KDM6A: variants seen among roughly 807,000 people sequenced by gnomAD.
KDM6A encodes lysine-specific demethylase 6A.
KDM6A carries 11 observed loss-of-function variants against 117.6 expected under a neutral mutation model. The ratio of observed to expected loss-of-function variants is 0.09; its 90% CI spans 0.06 to 0.15. KDM6A has a LOEUF of 0.15. Among genes scored for constraint, KDM6A ranks in the 10% least tolerant of loss-of-function variants. KDM6A has a pLI of 1.00. For synonymous variants in KDM6A, 384 were observed against 396.1 expected (o/e 0.97, Z 0.36); for missense variants, 799 against 1,077.3 (o/e 0.74, Z 3.62).
At chrX:45,107,645 T>A in intron 28 of KDM6A, 109 bp downstream of exon 28, 1 of 745,045 alleles carries the variant, frequency 1.3e-6, no homozygotes, top group African/African-American at 2.2e-5. Context: ...TAATCCAGTT[T>A]ATAGTAATTA....
chrX:45,072,644 TTCTC>T (rs1406710129), intron 18 of KDM6A, among the ~76,000 whole-genome samples: 1 of 108,908 alleles, frequency 9.2e-6, no homozygotes, highest in Non-Finnish European at 1.9e-5. Flanking sequence ...AGCAGGGGCT[TTCTC>T]TCTCATCCAC....
chrX:44,968,209 A>AT (rs1452224766), intron 3 of KDM6A, among the ~76,000 whole-genome samples: 1 of 112,554 alleles, frequency 8.9e-6, no homozygotes, highest in Non-Finnish European at 1.9e-5. Context: ...CAATTATTCC[A>AT]TATTGAACAT....
chrX:44,932,117 T>C (rs994492442), intron 2 of KDM6A, among the ~76,000 whole-genome samples: 2 of 72,558 alleles, frequency 2.8e-5, no homozygotes, highest in African/African-American at 6.1e-5. Flanking sequence ...TTTTTTAAGA[T>C]GGAGTCTCGC....
chrX:44,935,067 A>G (rs1233719347), intron 2 of KDM6A, among the ~76,000 whole-genome samples: 2 of 111,159 alleles, frequency 1.8e-5, no homozygotes, highest in African/African-American at 6.6e-5. Flanking sequence ...ATTAGGATAC[A>G]TGCAGTACTT....
intron 2 of KDM6A, among the ~76,000 whole-genome samples, chrX:44,877,689 A>G (rs747928662): frequency 1.8e-5 from 2 of 110,399 alleles, no homozygotes; most frequent in African/African-American, 6.6e-5. Context: ...GCGTCAGGGA[A>G]CTATTGCTAA....
chrX:44,951,073 G>A (rs74425937), intron 2 of KDM6A, among the ~76,000 whole-genome samples: 1,147 of 110,741 alleles, frequency 0.01, 34 homozygotes, highest in Admixed American at 0.075. Flanking sequence ...TGTATGACCC[G>A]ACCCCGGCCA....
chrX:44,990,580 A>AAATAAATT (rs1313833144), intron 4 of KDM6A, among the ~76,000 whole-genome samples: 1 of 110,536 alleles, frequency 9.0e-6, no homozygotes, highest in East Asian at 2.8e-4. Flanking sequence ...ATAAATAAAT[A>AAATAAATT]AATAAATAAA....
At chrX:44,877,868 A>T (rs1237968823) in intron 2 of KDM6A, among the ~76,000 whole-genome samples, 1 of 111,664 alleles carries the variant, frequency 9.0e-6, no homozygotes, top group African/African-American at 3.3e-5. Flanking sequence ...ACATATTAGC[A>T]TTAAAACAGT....
intron 27 of KDM6A, among the ~76,000 whole-genome samples, chrX:45,101,473 C>T (rs1181050904): frequency 1.8e-5 from 2 of 110,700 alleles, no homozygotes; most frequent in Admixed American, 1.9e-4. Context: ...AATTTTTCCT[C>T]CCCCCACTTT....
chrX:45,037,600 C>G (rs2042873477), intron 7 of KDM6A, 55 bp from the exon 8 acceptor site: 1 of 976,392 alleles, frequency 1.0e-6, no homozygotes, highest in African/African-American at 1.9e-5. Context: ...ACTTAATTTG[C>G]CCCAAATTCT....
intron 2 of KDM6A, among the ~76,000 whole-genome samples, chrX:44,888,177 C>T (rs2033052246): frequency 9.0e-6 from 1 of 110,855 alleles, no homozygotes; most frequent in East Asian, 2.8e-4. Context: ...TGGTGGCGGG[C>T]ACCTGTAATC....
intron 2 of KDM6A, among the ~76,000 whole-genome samples, chrX:44,918,242 A>G (rs2035684380): frequency 2.7e-5 from 3 of 111,835 alleles, no homozygotes; most frequent in Non-Finnish European, 5.6e-5. Context: ...TATGATGGGG[A>G]TGATATTTTG....
intron 2 of KDM6A, among the ~76,000 whole-genome samples, chrX:44,931,979 CT>C (rs2036652743): frequency 9.2e-6 from 1 of 108,912 alleles, no homozygotes; most frequent in Non-Finnish European, 1.9e-5. Flanking sequence ...CTGCTTGAAC[CT>C]GCTGATTTGT....
chrX:44,897,741 T>G (rs1260183965), intron 2 of KDM6A, among the ~76,000 whole-genome samples: 2 of 110,327 alleles, frequency 1.8e-5, no homozygotes, highest in Non-Finnish European at 3.8e-5. Flanking sequence ...GCTAATTTTG[T>G]TTTTTTGTTT....
chrX:45,097,924 A>G (rs1435291176), intron 27 of KDM6A, among the ~76,000 whole-genome samples: 1 of 112,170 alleles, frequency 8.9e-6, no homozygotes, highest in Non-Finnish European at 1.9e-5. Context: ...AGTCAAAAGA[A>G]TATATATTAT....
At chrX:44,911,726 G>A (rs2035189163) in intron 2 of KDM6A, among the ~76,000 whole-genome samples, 1 of 111,694 alleles carries the variant, frequency 9.0e-6, no homozygotes, top group Non-Finnish European at 1.9e-5. Context: ...CTGCACTCCA[G>A]CCTGGGCAAC....
intron 2 of KDM6A, among the ~76,000 whole-genome samples, chrX:44,904,084 G>A (rs2034512317): frequency 8.9e-6 from 1 of 111,854 alleles, no homozygotes; most frequent in Non-Finnish European, 1.9e-5. Flanking sequence ...TTCCCCCTTT[G>A]CAGTATTGGC....
chrX:45,051,869 GGC>G, intron 9 of KDM6A, 67 bp downstream of exon 9: 1 of 616,242 alleles, frequency 1.6e-6, no homozygotes. Flanking sequence ...TGTCGAGTGT[GGC>G]AAATATGTGG....
chrX:45,021,790 C>T (rs142076874), intron 6 of KDM6A, among the ~76,000 whole-genome samples: 98 of 111,608 alleles, frequency 8.8e-4, no homozygotes, highest in African/African-American at 3.0e-3. Flanking sequence ...AAGGTAAGTG[C>T]AGTCGAGGAA....
Sources: gnomAD v4.1 joint callset for allele counts (sites outside exome capture counted in the v4.1 genomes callset) on GRCh38, gnomAD v4.1.1 for gene constraint, MANE v1.5 for transcripts, NCBI Gene and HGNC (gene_info 2026-07-23, HGNC 2026-07-21) for gene names.